The following ATF6 variants were observed in gnomAD, a reference collection of about 807,000 sequenced individuals.
ATF6 encodes cyclic AMP-dependent transcription factor ATF-6 alpha.
Under a neutral mutation model 83.6 loss-of-function variants are expected in ATF6, and 53 were observed. That is an observed-to-expected ratio of 0.63 (90% CI 0.51 to 0.80). ATF6 has a LOEUF of 0.80. Among genes scored for constraint, ATF6 ranks in the 30% least tolerant of loss-of-function variants. The pLI, the probability that ATF6 is intolerant of heterozygous loss-of-function variation, is 0.00. For synonymous variants in ATF6, 288 were observed against 285.8 expected (o/e 1.01, Z -0.08); for missense variants, 744 against 797.9 (o/e 0.93, Z 0.81).
chr1:161,857,698 G>GTAAATCTTATCTTA (rs1206718101), intron 12 of ATF6, among the ~76,000 whole-genome samples: 17 of 152,070 alleles, frequency 1.1e-4, no homozygotes, highest in Admixed American at 2.6e-4. Flanking sequence ...TTTATCTTAT[G>GTAAATCTTATCTTA]TGTGTGTATT....
intron 6 of ATF6, among the ~76,000 whole-genome samples, chr1:161,794,432 T>A (rs1406697968): frequency 6.6e-6 from 1 of 152,150 alleles, no homozygotes; most frequent in Non-Finnish European, 1.5e-5. Flanking sequence ...AATGTAAAAC[T>A]CTTCACAATT....
At chr1:161,822,253 G>A (rs1416372944) in intron 9 of ATF6, among the ~76,000 whole-genome samples, 2 of 152,110 alleles carry the variant, frequency 1.3e-5, no homozygotes, top group Non-Finnish European at 2.9e-5. Flanking sequence ...CAAGAATCTG[G>A]GGGACACCAG....
chr1:161,837,267 C>T (rs543701819), intron 9 of ATF6, among the ~76,000 whole-genome samples: 27 of 152,304 alleles, frequency 1.8e-4, no homozygotes, highest in Non-Finnish European at 3.1e-4. Context: ...GTTTGCCATT[C>T]ATGTCTTTTT....
chr1:161,851,727 A>AT lies in ATF6; in HGVS notation c.1326dup (p.His443SerfsTer6). ...TTTGTGCATCCATGTTTCAGATATG[A>AT]TCATTCTGTTTCAAATGACAAAGCC... On this transcript the variant is annotated frameshift_variant, in exon 11 of 16. Transcript: ENST00000367942. LOFTEE classifies it high-confidence loss of function. The AT allele has an allele frequency of 6.2e-7, 1 of 1,611,820 alleles. No homozygotes were observed.
intron 3 of ATF6, among the ~76,000 whole-genome samples, chr1:161,783,097 G>A (rs572618564): frequency 9.8e-5 from 15 of 152,332 alleles, no homozygotes; most frequent in African/African-American, 3.4e-4. Flanking sequence ...TTTGTGTGGC[G>A]TGGTGTTCTC....
chr1:161,869,786 CTA>C (rs930574211), intron 14 of ATF6, among the ~76,000 whole-genome samples: 6 of 151,766 alleles, frequency 4.0e-5, no homozygotes, highest in Admixed American at 1.3e-4. Context: ...TGTCCATTTT[CTA>C]TTTCACTTTA....
At chr1:161,906,648 G>C (rs1187295528) in intron 14 of ATF6, among the ~76,000 whole-genome samples, 1 of 152,158 alleles carries the variant, frequency 6.6e-6, no homozygotes, top group Non-Finnish European at 1.5e-5. Flanking sequence ...TATCAGATTT[G>C]TATTAAGTGT....
Position 161,860,210 on chromosome 1 carries a change from G to A in ATF6, c.1537G>A (p.Ala513Thr). 1.9e-6 allele frequency: 3 copies of A among 1,581,054 alleles called. No homozygotes were observed. The highest frequency in any genetic ancestry group is 1.8e-5 in the Admixed American group (1 of 56,312). ...NQQKTRILQG[A>T]LEQGSNSQLM... is the part of the protein sequence containing the mutation. ...TTTTTTTTTTTTAATATTCCAGGGT[G>A]CTCTGGAACAGGGCTCAAATTCTCA... Residue 513 changes from alanine (A) to threonine (T), a missense_variant, in exon 13 of 16, where the codon GCT becomes ACT. Ala to Thr is a moderately conservative substitution (Grantham distance 58). Transcript: ENST00000367942.
chr1:161,770,429 T>C (rs1684356814), intron 1 of ATF6, among the ~76,000 whole-genome samples: 1 of 152,220 alleles, frequency 6.6e-6, no homozygotes, highest in Non-Finnish European at 1.5e-5. Flanking sequence ...AGGTTAGAGT[T>C]CAAGATCAAG....
chr1:161,874,280 G>A (rs981231253), intron 14 of ATF6, among the ~76,000 whole-genome samples: 1 of 151,524 alleles, frequency 6.6e-6, no homozygotes, highest in African/African-American at 2.4e-5. Flanking sequence ...TTATGTATAA[G>A]ATGCCTGTTA....
chr1:161,855,698 G>A (rs1034367669), intron 12 of ATF6, among the ~76,000 whole-genome samples: 1 of 152,176 alleles, frequency 6.6e-6, no homozygotes, highest in Admixed American at 6.5e-5. Context: ...AGTAAAATAG[G>A]AGAAATTGTA....
chr1:161,846,322 A>T, intron 9 of ATF6, 127 bp from the exon 10 acceptor site: 4 of 1,026,122 alleles, frequency 3.9e-6, no homozygotes, highest in Non-Finnish European at 5.5e-6. Context: ...ACTTGCGTCT[A>T]TGCCTAGCAT....
intron 15 of ATF6, among the ~76,000 whole-genome samples, chr1:161,933,472 C>T (rs1423569607): frequency 6.6e-6 from 1 of 152,180 alleles, no homozygotes; most frequent in Admixed American, 6.5e-5. Context: ...ATGTTCTCCC[C>T]TTGACTTATA....
At chr1:161,806,332 A>G (rs1284110640) in intron 7 of ATF6, among the ~76,000 whole-genome samples, 2 of 152,198 alleles carry the variant, frequency 1.3e-5, no homozygotes, top group African/African-American at 4.8e-5. Flanking sequence ...ACTTCCACCT[A>G]CCCATCATAA....
intron 3 of ATF6, among the ~76,000 whole-genome samples, chr1:161,782,784 CT>C (rs1684666751): frequency 9.6e-6 from 1 of 104,388 alleles, no homozygotes; most frequent in African/African-American, 4.1e-5. Flanking sequence ...AGTCAGTGTT[CT>C]GGTTTTATCG....
At chr1:161,769,256 T>A (rs1490892936) in intron 1 of ATF6, among the ~76,000 whole-genome samples, 1 of 152,228 alleles carries the variant, frequency 6.6e-6, no homozygotes, top group Admixed American at 6.5e-5. Context: ...ATAAGCCTAC[T>A]TTTTTAGTAT....
rs1156560003 is a variant in ATF6 at position 161,807,863 on chromosome 1, ATCTTTTTTTTTTTTT to A, written c.909+5593_909+5607del. 4.2e-3 allele frequency among the ~76,000 whole-genome samples: 230 copies of A among 54,794 alleles called. 2 individuals carry two copies. Among genetic ancestry groups the A allele is most frequent in the African/African-American group, 0.018 (226 of 12,236 alleles). The allele number at this position is 54,794 out of a possible 152,430, so 35.9% of individuals were successfully genotyped here. On this transcript the variant is annotated intron_variant, in intron 7 of 15. Transcript: ENST00000367942. Reference sequence around the variant, plus strand: ...TACTTTTTGTACTTTTTAGTTTGTCATCTTTTTTTTTTTTTTTTTTTTTTTTTTTTTTTTGAGACA... The same window carrying A: ...TACTTTTTGTACTTTTTAGTTTGTCATTTTTTTTTTTTTTTTTTTGAGACA...
chr1:161,868,858 G>A (rs542946511), intron 14 of ATF6, among the ~76,000 whole-genome samples: 4 of 152,200 alleles, frequency 2.6e-5, no homozygotes, highest in African/African-American at 9.6e-5. Flanking sequence ...ATTCACCTGA[G>A]TGTAGTGTTT....
chr1:161,963,128 A>G lies in ATF6; in HGVS notation c.*4474A>G, dbSNP rs1271107200. ...CCCAAAAAGATGTTGCCAGAATCCA[A>G]AAGGAACTATGCTCGTAAAAGAAAT... On this transcript the variant is annotated 3_prime_UTR_variant, in exon 16 of 16. Coordinates refer to ENST00000367942, the MANE Select transcript of ATF6 (RefSeq NM_007348.4). The G allele has an allele frequency of 6.6e-6, 1 of 152,250 alleles. No individual in the cohort carries two copies. Among genetic ancestry groups the G allele is most frequent in the Non-Finnish European group, 1.5e-5 (1 of 68,044 alleles). 9.4% of individuals were successfully genotyped at this position (152,250 alleles called of 1,614,324 possible). A position where few individuals can be genotyped will look rare whatever the true frequency, so the allele number is the denominator to read the frequency against.
Sources: allele counts gnomAD v4.1 joint callset (sites outside exome capture counted in the v4.1 genomes callset), GRCh38; gene constraint gnomAD v4.1.1; transcripts MANE v1.5; gene names NCBI Gene and HGNC (gene_info 2026-07-23, HGNC 2026-07-21).